The following ARFIP1 variants were observed in gnomAD, a reference collection of about 807,000 sequenced individuals.
The protein encoded by ARFIP1 is ARF interacting protein 1, also known as arfaptin-1.
ARFIP1 carries 24 observed loss-of-function variants against 42.5 expected under a neutral mutation model. The ratio of observed to expected loss-of-function variants is 0.57; its 90% CI spans 0.41 to 0.80. The LOEUF (loss-of-function observed/expected upper bound fraction) is 0.80, where lower values mean the gene tolerates loss of function less well. ARFIP1 is among the 30% of genes least tolerant of loss of function. The probability of loss-of-function intolerance (pLI) is 0.00; values close to 1 mark genes in which losing one functional copy is unlikely to be tolerated. For missense variants in ARFIP1, 354 were observed against 434.0 expected (o/e 0.82, Z 1.64); for synonymous variants, 141 against 153.7 (o/e 0.92, Z 0.61).
chr4:152,874,104 T>A (rs1735122406), intron 5 of ARFIP1, among the ~76,000 whole-genome samples: 1 of 152,214 alleles, frequency 6.6e-6, no homozygotes, highest in Non-Finnish European at 1.5e-5. Context: ...TTAGTTGATG[T>A]TTTCATTGTT....
chr4:152,873,593 G>T (rs1735072409), intron 5 of ARFIP1, among the ~76,000 whole-genome samples: 1 of 152,166 alleles, frequency 6.6e-6, no homozygotes, highest in South Asian at 2.1e-4. Context: ...GATTTCTATT[G>T]CATCTTCTTG....
intron 1 of ARFIP1, among the ~76,000 whole-genome samples, chr4:152,812,446 C>A (rs905901437): frequency 1.3e-5 from 2 of 152,212 alleles, no homozygotes; most frequent in Admixed American, 6.5e-5. Context: ...TCCCTCCTGG[C>A]CTCCCAAAGT....
chr4:152,828,971 G>A (rs1490859762), intron 1 of ARFIP1, among the ~76,000 whole-genome samples: 1 of 152,164 alleles, frequency 6.6e-6, no homozygotes, highest in African/African-American at 2.4e-5. Flanking sequence ...CACCATTGTG[G>A]AAAATACAGT....
intron 1 of ARFIP1, among the ~76,000 whole-genome samples, chr4:152,795,841 T>G (rs1372087664): frequency 7.1e-6 from 1 of 140,146 alleles, no homozygotes; most frequent in African/African-American, 2.6e-5. Flanking sequence ...TTTTTTTTTT[T>G]TTTTTTTTTT....
At chr4:152,889,460 T>A (rs1736538371) in intron 8 of ARFIP1, among the ~76,000 whole-genome samples, 1 of 140,352 alleles carries the variant, frequency 7.1e-6, no homozygotes, top group Non-Finnish European at 1.5e-5. Flanking sequence ...CCTTCTGGTA[T>A]TCATTAGCTG....
At chr4:152,785,416 C>G (rs542653671) in intron 1 of ARFIP1, among the ~76,000 whole-genome samples, 8 of 152,082 alleles carry the variant, frequency 5.3e-5, no homozygotes, top group African/African-American at 1.9e-4. Context: ...GAATTTATAC[C>G]CTCAGTGGAA....
intron 7 of ARFIP1, among the ~76,000 whole-genome samples, chr4:152,884,550 C>A (rs958365069): frequency 6.6e-6 from 1 of 152,008 alleles, no homozygotes; most frequent in South Asian, 2.1e-4. Flanking sequence ...TCCAAAAATA[C>A]CCCCACCACC....
At chr4:152,783,143 T>A (rs971234791) in intron 1 of ARFIP1, among the ~76,000 whole-genome samples, 8 of 151,974 alleles carry the variant, frequency 5.3e-5, no homozygotes, top group Non-Finnish European at 1.2e-4. Context: ...ACCCCATCTC[T>A]CCTAAAAATA....
chr4:152,902,268 A>G (rs1241430488), intron 8 of ARFIP1, among the ~76,000 whole-genome samples: 1 of 152,220 alleles, frequency 6.6e-6, no homozygotes, highest in Non-Finnish European at 1.5e-5. Context: ...TTGGTAGTCC[A>G]GGGTGGGAGG....
At chr4:152,893,983 C>T (rs1195163832) in intron 8 of ARFIP1, among the ~76,000 whole-genome samples, 4 of 151,736 alleles carry the variant, frequency 2.6e-5, no homozygotes, top group East Asian at 3.9e-4. Flanking sequence ...TTTGGGAGGC[C>T]GAGGTGGACG....
At chr4:152,800,021 G>A (rs1263194099) in intron 1 of ARFIP1, among the ~76,000 whole-genome samples, 1 of 152,084 alleles carries the variant, frequency 6.6e-6, no homozygotes, top group African/African-American at 2.4e-5. Context: ...TGCATTCCTT[G>A]TGTTTTTAGC....
intron 5 of ARFIP1, among the ~76,000 whole-genome samples, chr4:152,879,373 T>TTGTA (rs1735637535): frequency 6.6e-6 from 1 of 152,164 alleles, no homozygotes; most frequent in Non-Finnish European, 1.5e-5. Flanking sequence ...ATATCTGAGA[T>TTGTA]TGTATATGTT....
At chr4:152,898,403 A>G (rs1737539206) in intron 8 of ARFIP1, among the ~76,000 whole-genome samples, 1 of 152,110 alleles carries the variant, frequency 6.6e-6, no homozygotes, top group South Asian at 2.1e-4. Context: ...AACATTCATA[A>G]CTTTTTTCCT....
intron 2 of ARFIP1, among the ~76,000 whole-genome samples, chr4:152,845,885 A>G (rs906839501): frequency 7.9e-5 from 12 of 152,184 alleles, no homozygotes; most frequent in Non-Finnish European, 1.3e-4. Flanking sequence ...AAAAAGACAC[A>G]TGCACTTGTA....
intron 1 of ARFIP1, among the ~76,000 whole-genome samples, chr4:152,809,026 T>A (rs1258831753): frequency 6.6e-6 from 1 of 152,066 alleles, no homozygotes; most frequent in African/African-American, 2.4e-5. Flanking sequence ...CATTCCAGCC[T>A]GGGCGACAGA....
At chr4:152,801,867 G>T (rs1411695096) in intron 1 of ARFIP1, among the ~76,000 whole-genome samples, 3 of 152,064 alleles carry the variant, frequency 2.0e-5, no homozygotes, top group African/African-American at 7.2e-5. Flanking sequence ...TATAGGTGAG[G>T]TTAAAAATCT....
At chr4:152,805,454 A>G (rs573293606) in intron 1 of ARFIP1, among the ~76,000 whole-genome samples, 1 of 152,352 alleles carries the variant, frequency 6.6e-6, no homozygotes, top group African/African-American at 2.4e-5. Context: ...TGGATTTGGC[A>G]GTTTGCACTG....
chr4:152,804,149 TTATA>T (rs1228004087), intron 1 of ARFIP1, among the ~76,000 whole-genome samples: 1 of 116,986 alleles, frequency 8.5e-6, no homozygotes, highest in African/African-American at 3.5e-5. Context: ...ATAACATGTA[TTATA>T]TATTATATAT....
chr4:152,876,920 G>C (rs777001402), intron 5 of ARFIP1, among the ~76,000 whole-genome samples: 1 of 152,232 alleles, frequency 6.6e-6, no homozygotes, highest in Non-Finnish European at 1.5e-5. Flanking sequence ...GAGCCTGTGG[G>C]TGCACAGAAG....
Sources: gnomAD v4.1 joint callset for allele counts (sites outside exome capture counted in the v4.1 genomes callset) on GRCh38, gnomAD v4.1.1 for gene constraint, MANE v1.5 for transcripts, NCBI Gene and HGNC (gene_info 2026-07-23, HGNC 2026-07-21) for gene names.